The following USP38 variants were observed in gnomAD, a reference collection of about 807,000 sequenced individuals.
USP38 encodes the protein ubiquitin specific peptidase 38.
Under a neutral mutation model 94.3 loss-of-function variants are expected in USP38, and 49 were observed. The ratio of observed to expected loss-of-function variants is 0.52; its 90% CI spans 0.41 to 0.66. The LOEUF (loss-of-function observed/expected upper bound fraction) is 0.66. Among genes scored for constraint, USP38 ranks in the 30% least tolerant of loss-of-function variants. The pLI, the probability that USP38 is intolerant of heterozygous loss-of-function variation, is 0.00. For missense variants in USP38, 1,128 were observed against 1,229.4 expected (o/e 0.92, Z 1.23); for synonymous variants, 468 against 463.6 (o/e 1.01, Z -0.12).
intron 3 of USP38, among the ~76,000 whole-genome samples, chr4:143,197,286 T>A (rs1441205432): frequency 2.0e-5 from 3 of 152,196 alleles, no homozygotes; most frequent in African/African-American, 7.2e-5. Context: ...CATGAGGCAT[T>A]TATTGAACGC....
intron 9 of USP38, chr4:143,215,298 A>C (rs576653021): frequency 4.9e-5 from 11 of 223,104 alleles, no homozygotes; most frequent in Admixed American, 1.1e-4. Context: ...TGTGGTATTT[A>C]TGCCCTCAAG....
chr4:143,207,141 T>C (rs1170678841), intron 6 of USP38, among the ~76,000 whole-genome samples: 1 of 152,270 alleles, frequency 6.6e-6, no homozygotes, highest in Non-Finnish European at 1.5e-5. Flanking sequence ...ATTTTTCTCC[T>C]GATTACCAAT....
At position 143,213,905 on chromosome 4, in the gene USP38, T is replaced by G. The variant is rs1732101708; in HGVS notation, c.1929T>G (p.Gly643=). 6.2e-7 allele frequency: 1 copy of G among 1,613,836 alleles called. No homozygotes were observed. Among genetic ancestry groups the G allele is most frequent in the African/African-American group, 1.3e-5 (1 of 75,014 alleles). The change falls in exon 9 of 10, where the codon GGT becomes GGG. Residue 643 remains glycine (G), a synonymous_variant. Coordinates refer to ENST00000307017, the MANE Select transcript of USP38 (RefSeq NM_032557.6). ...CATCATCACCCAGTATACAAGATGG[T>G]GGTCTAATGCAAGCCTCTGTACCCG... ...DPASSPSIQD[G]GLMQASVPGP...
chr4:143,200,073 G>A (rs1731668477), intron 4 of USP38, among the ~76,000 whole-genome samples: 1 of 151,976 alleles, frequency 6.6e-6, no homozygotes, highest in African/African-American at 2.4e-5. Context: ...TGCCTAGGTT[G>A]TCTTCCAGGG....
At position 143,185,434 on chromosome 4, in the gene USP38, C is replaced by T; in HGVS notation, c.-17C>T. The T allele has an allele frequency of 6.4e-7, 1 of 1,565,804 alleles. No homozygotes were observed. Among genetic ancestry groups the T allele is most frequent in the South Asian group, 1.2e-5 (1 of 82,618 alleles). On this transcript the variant is annotated 5_prime_UTR_variant, in exon 1 of 10. Transcript: ENST00000307017. ...CCGCTCCTTATCCCCTGGCCCTGGC[C>T]TTGCAGCGTGGCGACAATGGACAAG... is the stretch of plus-strand genomic sequence containing the variant.
intron 3 of USP38, among the ~76,000 whole-genome samples, chr4:143,197,151 A>C (rs1365818296): frequency 6.6e-6 from 1 of 152,162 alleles, no homozygotes. Context: ...CTTCATCTGT[A>C]GCACACCAGC....
At position 143,221,360 on chromosome 4, in the gene USP38, C is replaced by A. The variant is rs1244557613; in HGVS notation, c.*904C>A. ...TTTCCAGAAGTAAAATCTGATGGTT[C>A]TAAATCAATCAATGTGATAGTTCAT... On this transcript the variant is annotated 3_prime_UTR_variant, in exon 10 of 10. Coordinates refer to ENST00000307017, the MANE Select transcript of USP38 (RefSeq NM_032557.6). 1 of 152,444 alleles carries A rather than the reference C, an allele frequency of 6.6e-6. No homozygotes were observed. Among genetic ancestry groups the A allele is most frequent in the Admixed American group, 6.6e-5 (1 of 15,254 alleles). 9.4% of individuals were successfully genotyped at this position (152,444 alleles called of 1,614,324 possible). A position where few individuals can be genotyped will look rare whatever the true frequency, so the allele number is the denominator to read the frequency against.
chr4:143,197,275 T>G (rs1422113478), intron 3 of USP38, among the ~76,000 whole-genome samples: 2 of 152,200 alleles, frequency 1.3e-5, no homozygotes, highest in East Asian at 3.9e-4. Flanking sequence ...ATCACTTCTT[T>G]CATGAGGCAT....
intron 2 of USP38, among the ~76,000 whole-genome samples, chr4:143,188,162 C>T (rs1014611659): frequency 6.6e-6 from 1 of 152,088 alleles, no homozygotes; most frequent in Admixed American, 6.5e-5. Flanking sequence ...TTCAATTCAA[C>T]TTTTTTTAAT....
At chr4:143,193,852 G>A (rs1016146730) in intron 2 of USP38, among the ~76,000 whole-genome samples, 11 of 152,138 alleles carry the variant, frequency 7.2e-5, no homozygotes, top group African/African-American at 1.9e-4. Context: ...TTAGGAGGCC[G>A]AGGTGGGCAA....
intron 4 of USP38, among the ~76,000 whole-genome samples, chr4:143,202,178 A>G (rs973577937): frequency 6.6e-6 from 1 of 152,164 alleles, no homozygotes. Context: ...AAATGTAAAG[A>G]TGATAGCAAT....
At chr4:143,191,150 T>G (rs1479487686) in intron 2 of USP38, among the ~76,000 whole-genome samples, 3 of 152,160 alleles carry the variant, frequency 2.0e-5, no homozygotes, top group Non-Finnish European at 4.4e-5. Flanking sequence ...CCTCCCACTT[T>G]ATACCTCCCC....
chr4:143,215,010 C>A, intron 9 of USP38, 67 bp downstream of exon 9: 1 of 1,436,720 alleles, frequency 7.0e-7, no homozygotes, highest in African/African-American at 1.4e-5. Context: ...AATGAGTACC[C>A]TCATTTTGAA....
chr4:143,195,999 A>G (rs995078470), intron 3 of USP38, among the ~76,000 whole-genome samples, 154 bp downstream of exon 3: 3 of 152,166 alleles, frequency 2.0e-5, no homozygotes, highest in Non-Finnish European at 4.4e-5. Context: ...AATTTTTTTA[A>G]ATGTCATTTA....
At chr4:143,196,768 C>T (rs968365924) in intron 3 of USP38, among the ~76,000 whole-genome samples, 4 of 152,204 alleles carry the variant, frequency 2.6e-5, no homozygotes, top group African/African-American at 9.7e-5. Context: ...ATCCATCTGT[C>T]TTTACATGAA....
In USP38 at chr4:143,187,921, C is replaced by A. The variant is rs749275865; in HGVS notation, c.778C>A (p.Pro260Thr). 1 of 1,613,706 alleles carries A rather than the reference C, an allele frequency of 6.2e-7. No individual in the cohort carries two copies. The highest frequency in any genetic ancestry group is 1.1e-5 in the South Asian group (1 of 91,056). The part of the protein sequence containing the change: ...TVLIRSLTTD[P>T]NVKDASMTQA... Reference sequence around the variant, plus strand: ...TCTCATCAGGAGCCTTACTACGGATCCAAATGTAAAAGATGCAAGTATGAC... The same window carrying A: ...TCTCATCAGGAGCCTTACTACGGATACAAATGTAAAAGATGCAAGTATGAC... The change falls in exon 2 of 10, where the codon CCA becomes ACA. Residue 260 changes from proline to threonine, a missense_variant. By Grantham distance (38) the Pro-to-Thr change is conservative. Coordinates refer to ENST00000307017, the MANE Select transcript of USP38 (RefSeq NM_032557.6).
intron 2 of USP38, among the ~76,000 whole-genome samples, chr4:143,190,296 T>G (rs1379597781): frequency 6.6e-6 from 1 of 152,128 alleles, no homozygotes; most frequent in Non-Finnish European, 1.5e-5. Flanking sequence ...ACATAAACTA[T>G]TTAATACTCA....
At chr4:143,219,875 T>G (rs1732279773) in intron 9 of USP38, among the ~76,000 whole-genome samples, 2 of 152,028 alleles carry the variant, frequency 1.3e-5, no homozygotes, top group Admixed American at 1.3e-4. Context: ...CTGTGAGGAG[T>G]TAGGCTTCAT....
chr4:143,213,951 G>A lies in USP38; in HGVS notation c.1975G>A (p.Val659Ile), dbSNP rs1183212239. ...ACCCGGTCCTTCAGAAGAACCAGTA[G>A]TTTATAATCCAACAACAGCTGCCTT... Reference protein sequence around the residue: ...SVPGPSEEPVVYNPTTAAFIC... With the variant: ...SVPGPSEEPVIYNPTTAAFIC... The change falls in exon 9 of 10, where the codon GTT (valine) becomes ATT (isoleucine). Residue 659 changes from valine to isoleucine, a missense_variant. Transcript: ENST00000307017. The A allele has an allele frequency of 6.2e-7, 1 of 1,613,632 alleles. No individual in the cohort carries two copies. The highest frequency in any genetic ancestry group is 8.5e-7 in the Non-Finnish European group (1 of 1,179,806).
Sources: allele counts gnomAD v4.1 joint callset (sites outside exome capture counted in the v4.1 genomes callset), GRCh38; gene constraint gnomAD v4.1.1; transcripts MANE v1.5; gene names NCBI Gene and HGNC (gene_info 2026-07-23, HGNC 2026-07-21).